CUBN: variants seen among roughly 807,000 people sequenced by gnomAD.
CUBN encodes the protein cubilin.
A neutral mutation model predicts 405.3 loss-of-function variants in CUBN; 282 were observed. The observed-to-expected ratio is 0.70, with a 90% CI of 0.63 to 0.77. The LOEUF (loss-of-function observed/expected upper bound fraction) is 0.77. Ranked by LOEUF, CUBN falls within the 30% of genes least tolerant of loss-of-function variation. The pLI is 0.00. For synonymous variants in CUBN, 1,684 were observed against 1,617.0 expected (o/e 1.04, Z -0.99); for missense variants, 4,514 against 4,475.2 (o/e 1.01, Z -0.25).
At chr10:17,050,796 C>T (rs1014765038) in intron 22 of CUBN, among the ~76,000 whole-genome samples, 19 of 152,074 alleles carry the variant, frequency 1.2e-4, no homozygotes, top group African/African-American at 4.6e-4. Flanking sequence ...ACAAGACCTG[C>T]AGGAATCATA....
intron 65 of CUBN, 115 bp downstream of exon 65, chr10:16,831,137 C>T: frequency 1.1e-6 from 1 of 905,462 alleles, no homozygotes; most frequent in Admixed American, 1.9e-5. Context: ...CTATTCTTAA[C>T]ATAAACTAAT....
At chr10:16,902,748 C>T (rs966511721) in intron 51 of CUBN, among the ~76,000 whole-genome samples, 1 of 152,112 alleles carries the variant, frequency 6.6e-6, no homozygotes, top group Non-Finnish European at 1.5e-5. Flanking sequence ...AGTAAGTGTA[C>T]TCAAAGTGAG....
rs1588641992 is a variant in CUBN, at chr10:16,910,602, A to T, written c.7534-2923T>A. 3.9e-5 allele frequency among the ~76,000 whole-genome samples: 6 copies of T among 152,246 alleles called. No homozygotes were observed. In the South Asian group the frequency reaches 1.2e-3, roughly 32 times the overall value. On this transcript the variant is annotated intron_variant, in intron 48 of 66. Transcript: ENST00000377833. ...AGAGATACCAGTCATCCTTTCAGTAATTCATTCTTAAATACGAATGAATAG... is the reference window on the plus strand; with the variant it reads ...AGAGATACCAGTCATCCTTTCAGTATTTCATTCTTAAATACGAATGAATAG...
intron 28 of CUBN, among the ~76,000 whole-genome samples, chr10:16,997,724 C>A (rs930126926): frequency 1.3e-5 from 2 of 152,116 alleles, no homozygotes; most frequent in African/African-American, 4.8e-5. Flanking sequence ...CTTAAAATGG[C>A]CAAAGTTGTC....
chr10:16,861,533 C>A (rs1840013278), intron 59 of CUBN, among the ~76,000 whole-genome samples: 1 of 151,938 alleles, frequency 6.6e-6, no homozygotes. Context: ...AAATGAGTGA[C>A]AAGTATTTTC....
At chr10:16,875,139 A>C (rs1840462827) in intron 57 of CUBN, among the ~76,000 whole-genome samples, 1 of 151,950 alleles carries the variant, frequency 6.6e-6, no homozygotes, top group African/African-American at 2.4e-5. Context: ...CTCAATCCTC[A>C]ACAAGCAGGA....
chr10:16,964,588 C>A (rs1588527339), intron 31 of CUBN, among the ~76,000 whole-genome samples: 1 of 152,082 alleles, frequency 6.6e-6, no homozygotes, highest in Admixed American at 6.6e-5. Flanking sequence ...CTGTATTCTA[C>A]AAATTTAATA....
At chr10:17,109,756 G>T (rs761586377) in intron 9 of CUBN, 21 bp from the exon 10 acceptor site, 2 of 1,590,772 alleles carry the variant, frequency 1.3e-6, no homozygotes, top group Admixed American at 3.3e-5. Context: ...CAAGAGCCAG[G>T]TCATAAGAAA....
intron 48 of CUBN, 119 bp from the exon 49 acceptor site, chr10:16,907,798 T>C: frequency 2.0e-6 from 2 of 1,003,274 alleles, no homozygotes; most frequent in Non-Finnish European, 1.5e-6. Flanking sequence ...CCAAAATGAA[T>C]GACCTAACAA....
Position 16,824,818 on chromosome 10 carries a change from G to A in CUBN, c.*157C>T, listed in dbSNP as rs1486998465. 1 of 675,752 alleles carries A rather than the reference G, an allele frequency of 1.5e-6. No homozygotes were observed. The highest frequency in any genetic ancestry group is 2.7e-6 in the Non-Finnish European group (1 of 371,258). The allele number at this position is 675,752 out of a possible 1,614,324, so 41.9% of individuals were successfully genotyped here. Reference sequence around the variant, plus strand: ...TACAGGGGGGTGAGCCACCACGCCTGGCCTACAAATATTGATTCTATCCAT... The same window carrying A: ...TACAGGGGGGTGAGCCACCACGCCTAGCCTACAAATATTGATTCTATCCAT... On this transcript the variant is annotated 3_prime_UTR_variant, in exon 67 of 67. Coordinates refer to ENST00000377833, the MANE Select transcript of CUBN (RefSeq NM_001081.4).
At chr10:16,861,375 C>A (rs1239440104) in intron 59 of CUBN, among the ~76,000 whole-genome samples, 2 of 152,042 alleles carry the variant, frequency 1.3e-5, no homozygotes, top group East Asian at 1.9e-4. Flanking sequence ...GTTGGCCAGG[C>A]TGGTCTCAAA....
chr10:17,033,109 C>A (rs1252780802), intron 27 of CUBN, among the ~76,000 whole-genome samples: 1 of 152,102 alleles, frequency 6.6e-6, no homozygotes. Context: ...GCAGATCTGA[C>A]CACATCCTTG....
chr10:16,914,900 T>A, intron 47 of CUBN, 132 bp downstream of exon 47: 1 of 795,950 alleles, frequency 1.3e-6, no homozygotes, highest in East Asian at 2.7e-5. Context: ...TCACTGTGAA[T>A]TTCTGATTAA....
chr10:17,097,584 G>C (rs1836402109), intron 14 of CUBN, among the ~76,000 whole-genome samples: 1 of 151,928 alleles, frequency 6.6e-6, no homozygotes, highest in Non-Finnish European at 1.5e-5. Flanking sequence ...AATTACAAAA[G>C]AATATCACCC....
intron 25 of CUBN, among the ~76,000 whole-genome samples, chr10:17,044,658 T>G (rs1564492377): frequency 6.6e-6 from 1 of 152,182 alleles, no homozygotes. Flanking sequence ...ATGACTCATA[T>G]TATCTTCTCT....
intron 54 of CUBN, among the ~76,000 whole-genome samples, chr10:16,894,111 T>A (rs1213936722): frequency 6.6e-6 from 1 of 152,212 alleles, no homozygotes; most frequent in East Asian, 1.9e-4. Context: ...GACTTCTTTA[T>A]ATATTTTACA....
In CUBN at chr10:16,909,482, T is replaced by C. The variant is rs565495609; in HGVS notation, c.7534-1803A>G. ...ATCCCTCTGATTCCAAACCATTAAG[T>C]AATGCATAAAGAAACAGATGAGGAA... On this transcript the variant is annotated intron_variant, in intron 48 of 66. Transcript: ENST00000377833. Among the ~76,000 whole-genome samples, 4 of 152,206 alleles carry C rather than the reference T, an allele frequency of 2.6e-5. No individual in the cohort carries two copies. In the South Asian group the frequency reaches 6.2e-4, roughly 24 times the overall value.
At chr10:16,935,252 A>G (rs937767559) in intron 39 of CUBN, among the ~76,000 whole-genome samples, 3 of 152,128 alleles carry the variant, frequency 2.0e-5, no homozygotes, top group South Asian at 4.2e-4. Flanking sequence ...TGTAGGCTCA[A>G]GTGATTCCCC....
intron 31 of CUBN, among the ~76,000 whole-genome samples, chr10:16,975,970 C>CTTT (rs536882786): frequency 1.3e-4 from 17 of 131,920 alleles, no homozygotes; most frequent in South Asian, 7.5e-4. Context: ...ACCTTTATTC[C>CTTT]TTTTTTTTTT....
Sources: allele counts gnomAD v4.1 joint callset (sites outside exome capture counted in the v4.1 genomes callset), GRCh38; gene constraint gnomAD v4.1.1; transcripts MANE v1.5; gene names NCBI Gene and HGNC (gene_info 2026-07-23, HGNC 2026-07-21).